The following GRAMD1B variants were observed in gnomAD, a reference collection of about 807,000 sequenced individuals.
GRAMD1B encodes the protein protein Aster-B.
A neutral mutation model predicts 99.7 loss-of-function variants in GRAMD1B; 37 were observed. That is an observed-to-expected ratio of 0.37 (90% confidence interval 0.29 to 0.49). The LOEUF (loss-of-function observed/expected upper bound fraction) is 0.49, where lower values mean the gene tolerates loss of function less well. Ranked by LOEUF, GRAMD1B falls within the 20% of genes least tolerant of loss-of-function variation. The pLI, the probability that GRAMD1B is intolerant of heterozygous loss-of-function variation, is 0.98. For missense variants in GRAMD1B, 888 were observed against 1,009.2 expected (o/e 0.88, Z 1.63); for synonymous variants, 427 against 387.6 (o/e 1.10, Z -1.19).
chr11:123,393,201 C>G (rs570374791), intron 1 of GRAMD1B, among the ~76,000 whole-genome samples: 2 of 152,266 alleles, frequency 1.3e-5, no homozygotes, highest in East Asian at 3.9e-4. Flanking sequence ...AGTAATTTCC[C>G]CAATAACACG....
chr11:123,513,496 C>T (rs936718334), intron 2 of GRAMD1B, among the ~76,000 whole-genome samples: 1 of 150,030 alleles, frequency 6.7e-6, no homozygotes, highest in African/African-American at 2.5e-5. Flanking sequence ...TCCTTTCTTT[C>T]TCCCTCTCTC....
intron 9 of GRAMD1B, among the ~76,000 whole-genome samples, 158 bp from the exon 10 acceptor site, chr11:123,605,164 G>A (rs1372700538): frequency 6.6e-6 from 1 of 152,194 alleles, no homozygotes; most frequent in Non-Finnish European, 1.5e-5. Flanking sequence ...AGAGCAATGG[G>A]GTAGGCAGGG....
At chr11:123,543,015 C>T (rs2135728852) in intron 2 of GRAMD1B, among the ~76,000 whole-genome samples, 1 of 151,528 alleles carries the variant, frequency 6.6e-6, no homozygotes, top group Middle Eastern at 3.4e-3. Flanking sequence ...GAATTTGTTT[C>T]TTCCCTGTCT....
chr11:123,402,562 C>T lies in GRAMD1B; in HGVS notation c.-176+43763C>T, dbSNP rs186181117. 4.9e-3 allele frequency among the ~76,000 whole-genome samples: 749 copies of T among 152,262 alleles called. 3 individuals carry two copies. The highest frequency in any genetic ancestry group is 0.015 in the South Asian group (74 of 4,824). ...CTTAGTAAACAGGGAAAATGGGATT[C>T]GACTGGTTAGCTGAATTTCCCAGCA... On this transcript the variant is annotated intron_variant, in intron 1 of 20. Coordinates refer to the GRAMD1B transcript ENST00000638157.
Position 123,430,403 on chromosome 11 carries a change from C to T in GRAMD1B, c.-390C>T, listed in dbSNP as rs1306806012. The T allele has an allele frequency of 9.0e-6, 2 of 221,584 alleles. No individual in the cohort carries two copies. The highest frequency in any genetic ancestry group is 1.8e-5 in the Non-Finnish European group (2 of 113,988). 13.7% of individuals were successfully genotyped at this position (221,584 alleles called of 1,614,324 possible). On this transcript the variant is annotated 5_prime_UTR_variant, in exon 1 of 20. Coordinates refer to ENST00000635736, the MANE Select transcript of GRAMD1B (RefSeq NM_001387025.1). ...AAACCGCTGAGAGTTTGCTGCACCG[C>T]CCCCTGGGGCCCCTGGCTGCCGAGT...
At chr11:123,465,155 G>A (rs1425769659) in intron 1 of GRAMD1B, among the ~76,000 whole-genome samples, 1 of 152,118 alleles carries the variant, frequency 6.6e-6, no homozygotes, top group Admixed American at 6.6e-5. Flanking sequence ...TGTGTCATGT[G>A]AGAAGAGAAA....
chr11:123,484,054 T>C (rs1238292237), intron 2 of GRAMD1B, among the ~76,000 whole-genome samples: 1 of 152,124 alleles, frequency 6.6e-6, no homozygotes, highest in Non-Finnish European at 1.5e-5. Flanking sequence ...TACCCTCCAC[T>C]CTCTGTGCAA....
chr11:123,404,091 C>G (rs1947770047), intron 1 of GRAMD1B, among the ~76,000 whole-genome samples: 1 of 152,112 alleles, frequency 6.6e-6, no homozygotes, highest in Admixed American at 6.6e-5. Context: ...TGTTCTCTGT[C>G]CCTTTTATTC....
intron 3 of GRAMD1B, among the ~76,000 whole-genome samples, chr11:123,582,992 G>T (rs1949550692): frequency 6.6e-6 from 1 of 152,228 alleles, no homozygotes; most frequent in Non-Finnish European, 1.5e-5. Context: ...AGGCATGTGT[G>T]TGTGTGCATG....
At chr11:123,541,902 A>G (rs917308833) in intron 2 of GRAMD1B, among the ~76,000 whole-genome samples, 1 of 152,156 alleles carries the variant, frequency 6.6e-6, no homozygotes, top group Admixed American at 6.5e-5. Context: ...ATCTACTTTT[A>G]TAAAACCTAG....
chr11:123,611,095 A>G lies in GRAMD1B; in HGVS notation c.1919+757A>G, dbSNP rs563013892. On this transcript the variant is annotated intron_variant, in intron 14 of 19. Transcript: ENST00000635736. The stretch of plus-strand genomic sequence containing the variant: ...CCAAAAATTCGCTGATGTAGTTCAA[A>G]TGAAAGTTTAGTAAAAGGTCGCACA... 2.0e-5 allele frequency among the ~76,000 whole-genome samples: 3 copies of G among 152,340 alleles called. No individual in the cohort carries two copies. The South Asian group carries it at 6.2e-4, about 32-fold the overall frequency.
chr11:123,520,250 A>C (rs1395068465), intron 2 of GRAMD1B, among the ~76,000 whole-genome samples: 7 of 152,198 alleles, frequency 4.6e-5, no homozygotes, highest in Non-Finnish European at 8.8e-5. Flanking sequence ...GGAGTAATAC[A>C]AATCAAACCA....
At chr11:123,367,675 A>T (rs1036295561) in intron 1 of GRAMD1B, among the ~76,000 whole-genome samples, 24 of 151,528 alleles carry the variant, frequency 1.6e-4, no homozygotes, top group Admixed American at 4.6e-4. Context: ...TAGTTAACTG[A>T]GGCAACACCA....
intron 2 of GRAMD1B, among the ~76,000 whole-genome samples, chr11:123,562,096 T>C (rs1050836583): frequency 6.6e-6 from 1 of 152,140 alleles, no homozygotes; most frequent in Non-Finnish European, 1.5e-5. Context: ...ATGCCTGTAA[T>C]CCCAGCACTT....
rs182811381 is a variant in GRAMD1B, at chr11:123,450,625, G to A, written c.374+19459G>A. On this transcript the variant is annotated intron_variant, in intron 1 of 19. Transcript: ENST00000635736. ...TTGGAAATCAAGAGTTGTAAAAGAA[G>A]TGTCTTCCATACTGCTTTGAAGAGC... Among the ~76,000 whole-genome samples, 12 of 152,344 alleles carry A rather than the reference G, an allele frequency of 7.9e-5. No individual in the cohort carries two copies. In the East Asian group the frequency reaches 2.3e-3, roughly 29 times the overall value.
chr11:123,568,790 A>G (rs959842793), intron 2 of GRAMD1B, among the ~76,000 whole-genome samples: 3 of 152,182 alleles, frequency 2.0e-5, no homozygotes, highest in African/African-American at 7.2e-5. Context: ...CTCTTCTCAA[A>G]GCTGTTCTGG....
chr11:123,594,434 G>A (rs1325591962), intron 5 of GRAMD1B, among the ~76,000 whole-genome samples: 3 of 152,206 alleles, frequency 2.0e-5, no homozygotes, highest in African/African-American at 7.2e-5. Context: ...CATAGTTGTG[G>A]ACTGGGGAGG....
chr11:123,365,185 T>C (rs2135699225), intron 1 of GRAMD1B, among the ~76,000 whole-genome samples: 1 of 152,312 alleles, frequency 6.6e-6, no homozygotes, highest in East Asian at 1.9e-4. Flanking sequence ...ACCAATGTTC[T>C]ATTTTTAAAC....
At chr11:123,598,725 TG>T in intron 7 of GRAMD1B, 1 of 914,900 alleles carries the variant, frequency 1.1e-6, no homozygotes, top group Non-Finnish European at 1.8e-6. Context: ...GAGGTCAAGA[TG>T]GGCTCCAGCC....
Sources: gnomAD v4.1 joint callset for allele counts (sites outside exome capture counted in the v4.1 genomes callset) on GRCh38, gnomAD v4.1.1 for gene constraint, MANE v1.5 for transcripts, NCBI Gene and HGNC (gene_info 2026-07-23, HGNC 2026-07-21) for gene names.